Variants in PDE4D observed in about 807,000 individuals in gnomAD.
PDE4D encodes 3',5'-cyclic-AMP phosphodiesterase 4D.
In PDE4D, 24 loss-of-function variants were observed where a neutral mutation model predicts 87.4. That is an observed-to-expected ratio of 0.27 (90% CI 0.20 to 0.39). PDE4D has a LOEUF of 0.39. PDE4D is among the 10% of genes least tolerant of loss of function. The probability of loss-of-function intolerance (pLI) is 1.00; values close to 1 mark genes in which losing one functional copy is unlikely to be tolerated. For synonymous variants in PDE4D, 384 were observed against 383.2 expected (o/e 1.00, Z -0.02); for missense variants, 714 against 1,041.0 (o/e 0.69, Z 4.32).
intron 1 of PDE4D, among the ~76,000 whole-genome samples, chr5:59,780,846 C>T (rs1305899991): frequency 6.6e-6 from 1 of 152,292 alleles, no homozygotes; most frequent in East Asian, 1.9e-4. Flanking sequence ...GAGCCAACCA[C>T]TCTCTAGGGC....
chr5:59,199,824 ATGTG>A (rs763445177), intron 2 of PDE4D, among the ~76,000 whole-genome samples: 8 of 151,944 alleles, frequency 5.3e-5, no homozygotes, highest in South Asian at 2.1e-4. Context: ...CTTGATCTTT[ATGTG>A]TGTGTATGTG....
At chr5:59,137,606 A>G (rs935849679) in intron 5 of PDE4D, among the ~76,000 whole-genome samples, 1 of 150,564 alleles carries the variant, frequency 6.6e-6, no homozygotes, top group African/African-American at 2.5e-5. Flanking sequence ...AGCTCGCTGC[A>G]AGCTCCGCCT....
chr5:59,276,919 AC>A (rs1764933371), intron 1 of PDE4D, among the ~76,000 whole-genome samples: 1 of 152,088 alleles, frequency 6.6e-6, no homozygotes, highest in South Asian at 2.1e-4. Flanking sequence ...AACAGAAGGA[AC>A]AGTTGACCAG....
At chr5:59,295,849 C>CA (rs78780792) in intron 1 of PDE4D, among the ~76,000 whole-genome samples, 2,322 of 131,926 alleles carry the variant, frequency 0.018, 26 homozygotes, top group Non-Finnish European at 0.023. Context: ...AAAAAAAAAA[C>CA]AAAAAAAAAA....
At chr5:59,604,981 G>A (rs1023741170) in intron 1 of PDE4D, among the ~76,000 whole-genome samples, 3 of 151,890 alleles carry the variant, frequency 2.0e-5, no homozygotes, top group Middle Eastern at 3.2e-3. Flanking sequence ...TTTTGGCACT[G>A]TTTATAAGAC....
chr5:59,279,019 T>A (rs1307136574), intron 1 of PDE4D, among the ~76,000 whole-genome samples: 1 of 152,134 alleles, frequency 6.6e-6, no homozygotes, highest in Non-Finnish European at 1.5e-5. Context: ...CGGAGTAATT[T>A]TACTATACAA....
In PDE4D at chr5:59,123,931, T is replaced by C. The variant is rs960984499; in HGVS notation, c.808+56664A>G. Among the ~76,000 whole-genome samples the C allele has an allele frequency of 3.3e-5, 5 of 151,328 alleles. 1 individual carries two copies. The highest frequency in any genetic ancestry group is 2.4e-5 in the African/African-American group (1 of 41,546). On this transcript the variant is annotated intron_variant, in intron 5 of 14. Transcript: ENST00000340635. The stretch of plus-strand genomic sequence containing the variant: ...CTGAGCACCAGCTTTCTCATCTGTA[T>C]GATGTAAAAAAAAGAGCAGCACTGT...
At chr5:59,984,629 C>T (rs573249441) in intron 3 of PDE4D, among the ~76,000 whole-genome samples, 1 of 152,186 alleles carries the variant, frequency 6.6e-6, no homozygotes, top group Admixed American at 6.5e-5. Flanking sequence ...ACTAAAAGTC[C>T]TTTTGAACTC....
At chr5:59,252,416 C>T (rs1035531307) in intron 1 of PDE4D, among the ~76,000 whole-genome samples, 7 of 152,152 alleles carry the variant, frequency 4.6e-5, no homozygotes, top group African/African-American at 1.4e-4. Context: ...TCTCTGCAAG[C>T]CTCAGCCCAA....
intron 2 of PDE4D, among the ~76,000 whole-genome samples, chr5:60,040,003 G>A (rs1768280042): frequency 6.6e-6 from 1 of 151,994 alleles, no homozygotes; most frequent in Non-Finnish European, 1.5e-5. Flanking sequence ...AATATATTTT[G>A]AATGCCCCAT....
intron 1 of PDE4D, among the ~76,000 whole-genome samples, chr5:59,602,873 A>G (rs1440189684): frequency 1.3e-5 from 2 of 152,116 alleles, no homozygotes; most frequent in African/African-American, 4.8e-5. Flanking sequence ...GAGAGCCAGA[A>G]ATAAACCCCT....
chr5:59,519,901 C>A (rs920496171), intron 1 of PDE4D, among the ~76,000 whole-genome samples: 3 of 122,710 alleles, frequency 2.4e-5, no homozygotes, highest in African/African-American at 1.2e-4. Context: ...TATCCACCAC[C>A]CCCCAAATAC....
chr5:59,097,830 A>G (rs1048244626), intron 5 of PDE4D, among the ~76,000 whole-genome samples: 16 of 152,162 alleles, frequency 1.1e-4, no homozygotes, highest in Non-Finnish European at 4.4e-5. Flanking sequence ...TCTCCTTTTA[A>G]TGATATCCTT....
chr5:59,391,824 A>G (rs1016672655), intron 1 of PDE4D, among the ~76,000 whole-genome samples: 8 of 151,842 alleles, frequency 5.3e-5, no homozygotes, highest in Admixed American at 4.6e-4. Context: ...AACACCACTT[A>G]AAATTCCACC....
At chr5:60,052,030 G>C (rs1348405409) in intron 2 of PDE4D, among the ~76,000 whole-genome samples, 1 of 151,984 alleles carries the variant, frequency 6.6e-6, no homozygotes, top group Non-Finnish European at 1.5e-5. Context: ...ACAAAGTTCT[G>C]AATTGAGGCA....
intron 1 of PDE4D, among the ~76,000 whole-genome samples, chr5:59,483,494 T>A (rs79528548): frequency 0.038 from 5,728 of 152,220 alleles, 329 homozygotes; most frequent in East Asian, 0.14. Context: ...AGACTGAAAC[T>A]TTTTATTTTT....
At position 59,403,727 on chromosome 5, in the gene PDE4D, G is replaced by T. The variant is rs182219973; in HGVS notation, c.456-187759C>A. 3.8e-4 allele frequency among the ~76,000 whole-genome samples: 58 copies of T among 152,298 alleles called. No homozygotes were observed. In the South Asian group the frequency reaches 9.7e-3, roughly 26 times the overall value. On this transcript the variant is annotated intron_variant, in intron 1 of 14. Coordinates refer to ENST00000340635, the MANE Select transcript of PDE4D (RefSeq NM_001104631.2). ...TCGTCTATTGAGGGAAACTTAGGTT[G>T]CTTCCAAATCTTGGCTACTGTGAAT...
chr5:59,471,675 A>G (rs937594913), intron 1 of PDE4D, among the ~76,000 whole-genome samples: 6 of 152,240 alleles, frequency 3.9e-5, no homozygotes, highest in Non-Finnish European at 5.9e-5. Context: ...AAGTGACAAC[A>G]GCTACAAAAT....
At chr5:60,509,661 T>G (rs567964397) in intron 1 of PDE4D, among the ~76,000 whole-genome samples, 31 of 152,354 alleles carry the variant, frequency 2.0e-4, no homozygotes, top group South Asian at 1.7e-3. Context: ...GCTACACTTC[T>G]GGCCTTGCAT....
Sources: gnomAD v4.1 joint callset for allele counts (sites outside exome capture counted in the v4.1 genomes callset) on GRCh38, gnomAD v4.1.1 for gene constraint, MANE v1.5 for transcripts, NCBI Gene and HGNC (gene_info 2026-07-23, HGNC 2026-07-21) for gene names.